RBL2: variants seen among roughly 807,000 people sequenced by gnomAD.
RBL2 encodes the protein RB transcriptional corepressor like 2.
RBL2 carries 56 observed loss-of-function variants against 126.0 expected under a neutral mutation model. The ratio of observed to expected loss-of-function variants is 0.44; its 90% confidence interval spans 0.36 to 0.56. The LOEUF is 0.56. Ranked by LOEUF, RBL2 falls within the 20% of genes least tolerant of loss-of-function variation. The pLI is 0.00. For synonymous variants in RBL2, 454 were observed against 478.5 expected, an observed-to-expected ratio of 0.95 and a Z score of 0.67; for missense variants, 1,229 against 1,398.2, an observed-to-expected ratio of 0.88 and a Z score of 1.93.
chr16:53,483,325 C>T (rs778406398), intron 21 of RBL2, among the ~76,000 whole-genome samples: 7 of 152,128 alleles, frequency 4.6e-5, no homozygotes, highest in Non-Finnish European at 7.3e-5. Flanking sequence ...TTTTGGCAGG[C>T]TGGGGTGGGA....
chr16:53,446,366 C>A (rs1201345994), intron 3 of RBL2, among the ~76,000 whole-genome samples: 1 of 152,102 alleles, frequency 6.6e-6, no homozygotes, highest in Non-Finnish European at 1.5e-5. Flanking sequence ...AGTGCTGGAA[C>A]TAAATCTAAT....
At chr16:53,485,626 G>T (rs180942851) in intron 21 of RBL2, among the ~76,000 whole-genome samples, 2 of 151,468 alleles carry the variant, frequency 1.3e-5, no homozygotes, top group East Asian at 3.9e-4. Context: ...AGGCTGAGGT[G>T]GGTGGACTGC....
intron 17 of RBL2, among the ~76,000 whole-genome samples, chr16:53,478,171 CT>C (rs1439508452): frequency 6.6e-6 from 1 of 152,102 alleles, no homozygotes; most frequent in Non-Finnish European, 1.5e-5. Flanking sequence ...GCCTCCTGGC[CT>C]CTGTAGTTTC....
Position 53,454,802 on chromosome 16 carries a change from G to A in RBL2, c.1139G>A (p.Arg380Lys), listed in dbSNP as rs2058151211. The change falls in exon 8 of 22, where the codon AGG (arginine) becomes AAG (lysine). Residue 380 changes from arginine (R) to lysine (K), a missense_variant. By Grantham distance (26) the Arg-to-Lys change is conservative. Around this residue, in one of 2 missense-constraint regions of RBL2, gnomAD observed 1,070 missense variants for 1,274.3 expected, o/e 0.84. Coordinates refer to ENST00000262133, the MANE Select transcript of RBL2 (RefSeq NM_005611.4). ...GGTTCAGGAACAGAGACTGCTGAAA[G>A]GGTGCAGATGAAAAACATCTTACAG... ...NAGSGTETAERVQMKNILQQH... is the reference protein window; with the variant it reads ...NAGSGTETAEKVQMKNILQQH... 2.5e-6 allele frequency: 4 copies of A among 1,613,708 alleles called. No individual in the cohort carries two copies. The highest frequency in any genetic ancestry group is 3.4e-6 in the Non-Finnish European group (4 of 1,179,792).
intron 7 of RBL2, chr16:53,454,171 G>A: frequency 4.5e-6 from 2 of 439,674 alleles, no homozygotes; most frequent in Non-Finnish European, 8.9e-6. Context: ...TGAGCTTGGG[G>A]ATAGCAGGAT....
chr16:53,453,866 G>A, intron 7 of RBL2, 97 bp downstream of exon 7: 1 of 1,115,690 alleles, frequency 9.0e-7, no homozygotes, highest in Non-Finnish European at 1.3e-6. Context: ...TGGAAACTGA[G>A]AATATGTTTT....
At chr16:53,484,607 C>A (rs1311105143) in intron 21 of RBL2, among the ~76,000 whole-genome samples, 1 of 152,112 alleles carries the variant, frequency 6.6e-6, no homozygotes, top group Admixed American at 6.5e-5. Context: ...TTTTATGATT[C>A]CATTTATATG....
chr16:53,472,582 A>G (rs551902192), intron 17 of RBL2, among the ~76,000 whole-genome samples: 2 of 152,140 alleles, frequency 1.3e-5, no homozygotes, highest in Non-Finnish European at 2.9e-5. Flanking sequence ...TCCTTTGCCC[A>G]TTTTAAAATT....
intron 17 of RBL2, among the ~76,000 whole-genome samples, chr16:53,476,845 C>A (rs570177772): frequency 6.6e-6 from 1 of 152,072 alleles, no homozygotes; most frequent in Non-Finnish European, 1.5e-5. Context: ...CTTTCATTTT[C>A]GAATGTATTT....
chr16:53,489,095 T>G (rs1481621695), intron 21 of RBL2: 2 of 150,686 alleles, frequency 1.3e-5, no homozygotes, highest in Non-Finnish European at 3.0e-5. Context: ...CTTGTGAAGG[T>G]ACATCTGTTG....
Position 53,444,055 on chromosome 16 carries a change from C to A in RBL2, c.572+1197C>A, listed in dbSNP as rs534391709. On this transcript the variant is annotated intron_variant, in intron 3 of 21. Transcript: ENST00000262133. ...CCTGAGTTCAGGAGTTCAAGACCAG[C>A]CTGGCCAACGTGGCAAAACCCCGTC... Among the ~76,000 whole-genome samples, 214 of 152,172 alleles carry A rather than the reference C, an allele frequency of 1.4e-3. 1 individual carries two copies. The highest frequency in any genetic ancestry group is 2.3e-3 in the Non-Finnish European group (156 of 67,992).
At chr16:53,443,837 A>G in intron 3 of RBL2, among the ~76,000 whole-genome samples, 1 of 152,244 alleles carries the variant, frequency 6.6e-6, no homozygotes, top group Non-Finnish European at 1.5e-5. Flanking sequence ...ATGACAAACC[A>G]GGAGGAAAAA....
chr16:53,438,528 A>G (rs1032488556), intron 1 of RBL2, among the ~76,000 whole-genome samples: 2 of 152,122 alleles, frequency 1.3e-5, no homozygotes, highest in Admixed American at 1.3e-4. Context: ...TCAGTGGAAT[A>G]ATGTTAATGT....
intron 2 of RBL2, among the ~76,000 whole-genome samples, chr16:53,440,338 G>T (rs16952242): frequency 6.6e-6 from 1 of 151,874 alleles, no homozygotes; most frequent in South Asian, 2.1e-4. Flanking sequence ...TTTAGCTGAC[G>T]TTGTGAATTT....
At chr16:53,438,993 A>G in intron 1 of RBL2, 23 bp from the exon 2 acceptor site, 1 of 1,501,490 alleles carries the variant, frequency 6.7e-7, no homozygotes, top group Non-Finnish European at 8.9e-7. Context: ...TTAACTAAAA[A>G]TCAATTTTCT....
At chr16:53,462,727 G>T (rs1356490327) in intron 11 of RBL2, 72 bp downstream of exon 11, 5 of 1,018,430 alleles carry the variant, frequency 4.9e-6, no homozygotes, top group Non-Finnish European at 4.3e-6. Flanking sequence ...TCTGTGGGTT[G>T]TTTTTTTTAC....
At chr16:53,445,681 G>A (rs1207446765) in intron 3 of RBL2, 2 of 152,192 alleles carry the variant, frequency 1.3e-5, no homozygotes, top group African/African-American at 4.8e-5. Flanking sequence ...CTGAAAATGT[G>A]TCACTATTTG....
intron 21 of RBL2, among the ~76,000 whole-genome samples, chr16:53,484,895 A>G (rs1387075217): frequency 2.6e-5 from 4 of 152,220 alleles, no homozygotes; most frequent in African/African-American, 7.2e-5. Flanking sequence ...TCATGAAAAG[A>G]AAGTTGGAGT....
intron 1 of RBL2, among the ~76,000 whole-genome samples, chr16:53,435,236 C>T (rs968887471): frequency 3.9e-5 from 6 of 152,150 alleles, no homozygotes; most frequent in African/African-American, 1.4e-4. Context: ...GTTCGCTTCC[C>T]CCTGTTAACC....
Sources: allele counts gnomAD v4.1 joint callset (sites outside exome capture counted in the v4.1 genomes callset), GRCh38; gene constraint gnomAD v4.1.1; regional missense constraint gnomAD v4.1.1; transcripts MANE v1.5; gene names NCBI Gene and HGNC (gene_info 2026-07-23, HGNC 2026-07-21).